WDR12: variants seen among roughly 807,000 people sequenced by gnomAD.
WDR12 encodes the protein WD repeat domain 12.
WDR12 carries 42 observed loss-of-function variants against 64.3 expected under a neutral mutation model. The ratio of observed to expected loss-of-function variants is 0.65; its 90% CI spans 0.51 to 0.84. WDR12 has a LOEUF of 0.84. WDR12 is among the 40% of genes least tolerant of loss of function. The probability of loss-of-function intolerance (pLI) is 0.00; values close to 1 mark genes in which losing one functional copy is unlikely to be tolerated. For missense variants in WDR12, 469 were observed against 494.6 expected (o/e 0.95, Z 0.49); for synonymous variants, 158 against 173.3 (o/e 0.91, Z 0.70).
At position 202,874,267 on chromosome 2, in the gene WDR12, A is replaced by T. The variant is rs1687818921; in HGVS notation, c.*6593T>A. On this transcript the variant is annotated 3_prime_UTR_variant, in exon 13 of 13. Transcript: ENST00000261015. ...TTTAACACCTTTAAAGTACTTTTAAATTTCATTTAGAAGTACATTTACTGA... is the reference window on the plus strand; with the variant it reads ...TTTAACACCTTTAAAGTACTTTTAATTTTCATTTAGAAGTACATTTACTGA... 6.6e-6 allele frequency among the ~76,000 whole-genome samples: 1 copy of T among 152,212 alleles called. No individual in the cohort carries two copies. The highest frequency in any genetic ancestry group is 1.5e-5 in the Non-Finnish European group (1 of 68,034).
Position 202,875,330 on chromosome 2 carries a change from G to A in WDR12, c.*5530C>T, listed in dbSNP as rs957530086. The A allele has an allele frequency of 1.3e-4, 19 of 151,412 alleles. No homozygotes were observed. The highest frequency in any genetic ancestry group is 2.1e-4 in the Non-Finnish European group (14 of 67,898). 9.4% of individuals were successfully genotyped at this position (151,412 alleles called of 1,614,324 possible). On this transcript the variant is annotated 3_prime_UTR_variant, in exon 13 of 13. Transcript: ENST00000261015. ...AATTTTAAAGGCAAAAAAATGCAAA[G>A]CTGAACATATTATTGTAATTTAGTA...
chr2:202,897,292 G>A lies in WDR12; in HGVS notation c.454+8C>T, dbSNP rs759630498. The A allele has an allele frequency of 1.6e-5, 26 of 1,581,190 alleles. No homozygotes were observed. The highest frequency in any genetic ancestry group is 2.2e-5 in the Non-Finnish European group (26 of 1,161,328). ...GGATTCCTCTAAGTGTAGGCAAACTGTCCTAACCTTTTTTCACCCAGGCCA... is the reference window on the plus strand; with the variant it reads ...GGATTCCTCTAAGTGTAGGCAAACTATCCTAACCTTTTTTCACCCAGGCCA... On this transcript the variant is annotated splice_region_variant and intron_variant, in intron 5 of 12. Coordinates refer to ENST00000261015, the MANE Select transcript of WDR12 (RefSeq NM_018256.4).
intron 2 of WDR12, among the ~76,000 whole-genome samples, chr2:202,902,811 C>T (rs1010180255): frequency 2.0e-5 from 3 of 152,094 alleles, no homozygotes; most frequent in Non-Finnish European, 4.4e-5. Flanking sequence ...TAATAAACTC[C>T]CTCTCGGCTG....
intron 8 of WDR12, among the ~76,000 whole-genome samples, chr2:202,888,335 G>C (rs1227913871): frequency 2.6e-5 from 4 of 152,132 alleles, no homozygotes; most frequent in Admixed American, 6.5e-5. Flanking sequence ...GGCAATATGA[G>C]TTTTCAGGAA....
intron 2 of WDR12, among the ~76,000 whole-genome samples, chr2:202,904,979 A>C (rs1688427082): frequency 1.3e-5 from 2 of 152,252 alleles, no homozygotes; most frequent in Admixed American, 1.3e-4. Flanking sequence ...GTAGGTAAAA[A>C]TTTAATAATC....
rs185670147 is a variant in WDR12, at chr2:202,909,146, A to T, written c.42-1187T>A. Among the ~76,000 whole-genome samples, 140 of 152,346 alleles carry T rather than the reference A, an allele frequency of 9.2e-4. 1 individual carries two copies. The highest frequency in any genetic ancestry group is 3.2e-3 in the African/African-American group (133 of 41,576). On this transcript the variant is annotated intron_variant, in intron 1 of 12. Transcript: ENST00000261015. ...CAGTCTGGCAGTTCCTCAAAAACTC[A>T]AACATGGAATTACATCTGACCCAAA... is the stretch of plus-strand genomic sequence containing the variant.
At chr2:202,893,191 T>G in intron 7 of WDR12, among the ~76,000 whole-genome samples, 1 of 152,078 alleles carries the variant, frequency 6.6e-6, no homozygotes. Flanking sequence ...ATCACTTGGT[T>G]AAGCAGCAAA....
Position 202,877,157 on chromosome 2 carries a change from A to G in WDR12, c.*3703T>C, listed in dbSNP as rs1455456249. 2 of 150,120 alleles carry G rather than the reference A, an allele frequency of 1.3e-5. No homozygotes were observed. The highest frequency in any genetic ancestry group is 2.4e-5 in the African/African-American group (1 of 41,030). 9.3% of individuals were successfully genotyped at this position (150,120 alleles called of 1,614,324 possible). ...TTGCTTGTTCCATTATATGCATTTTATATCAATTTAAACTTTTGTTTGTTC... is the reference window on the plus strand; with the variant it reads ...TTGCTTGTTCCATTATATGCATTTTGTATCAATTTAAACTTTTGTTTGTTC... On this transcript the variant is annotated 3_prime_UTR_variant, in exon 13 of 13. Coordinates refer to ENST00000261015, the MANE Select transcript of WDR12 (RefSeq NM_018256.4).
At chr2:202,906,306 T>C (rs1435209508) in intron 2 of WDR12, among the ~76,000 whole-genome samples, 1 of 152,180 alleles carries the variant, frequency 6.6e-6, no homozygotes, top group Non-Finnish European at 1.5e-5. Context: ...CAACAGGAAA[T>C]GCTATGTAAA....
intron 2 of WDR12, 134 bp downstream of exon 2, chr2:202,907,731 C>G (rs1183523819): frequency 2.0e-5 from 13 of 650,258 alleles, no homozygotes; most frequent in Non-Finnish European, 3.2e-5. Context: ...GCAGAAGAAC[C>G]TGTACTTTAT....
Position 202,904,138 on chromosome 2 carries a change from C to CAAAAAAAAAAAAAAAAAAAA in WDR12, c.137-3039_137-3020dup, listed in dbSNP as rs34378996. ...GGGCAACAAGAGTGAAACTCTGTCT[C>CAAAAAAAAAAAAAAAAAAAA]AAAAAAAAAAAAAAAAAAAAAAAAA... On this transcript the variant is annotated intron_variant, in intron 2 of 12. Transcript: ENST00000261015. 3.1e-4 allele frequency among the ~76,000 whole-genome samples: 12 copies of CAAAAAAAAAAAAAAAAAAAA among 38,530 alleles called. 1 individual carries two copies. Among genetic ancestry groups the CAAAAAAAAAAAAAAAAAAAA allele is most frequent in the Non-Finnish European group, 4.1e-4 (10 of 24,260 alleles). The allele number at this position is 38,530 out of a possible 152,430, so 25.3% of individuals were successfully genotyped here. A position where few individuals can be genotyped will look rare whatever the true frequency, so the allele number is the denominator to read the frequency against.
At chr2:202,900,622 A>C (rs1450304323) in intron 3 of WDR12, among the ~76,000 whole-genome samples, 1 of 152,192 alleles carries the variant, frequency 6.6e-6, no homozygotes, top group African/African-American at 2.4e-5. Context: ...TTTGAAAATA[A>C]AAGGGAAAAA....
intron 4 of WDR12, among the ~76,000 whole-genome samples, chr2:202,897,787 G>A (rs1475139007): frequency 6.8e-6 from 1 of 147,994 alleles, no homozygotes; most frequent in Non-Finnish European, 1.5e-5. Context: ...TACTCAGGAG[G>A]CTGGGGCAGG....
intron 6 of WDR12, among the ~76,000 whole-genome samples, chr2:202,895,518 T>A (rs1162626614): frequency 1.8e-5 from 2 of 109,544 alleles, no homozygotes; most frequent in Non-Finnish European, 4.2e-5. Context: ...CATTTCTTTC[T>A]TTTTTTTTTT....
In WDR12 at chr2:202,911,589, G is replaced by C. The variant is rs1414655454; in HGVS notation, c.-113C>G. On this transcript the variant is annotated 5_prime_UTR_variant, in exon 1 of 13. Transcript: ENST00000261015. ...GGCAGCTCAAAATTAGACTGCACAG[G>C]TAAGCGAGGAACTGCAGTCTAAGCC... 2 of 974,114 alleles carry C rather than the reference G, an allele frequency of 2.1e-6. No homozygotes were observed. The highest frequency in any genetic ancestry group is 1.8e-5 in the Admixed American group (1 of 55,212). 60.3% of individuals were successfully genotyped at this position (974,114 alleles called of 1,614,324 possible).
chr2:202,896,091 T>C lies in WDR12; in HGVS notation c.583A>G (p.Ile195Val), dbSNP rs749167352. The C allele has an allele frequency of 9.9e-6, 16 of 1,613,754 alleles. No individual in the cohort carries two copies. In the African/African-American group the frequency reaches 1.9e-4, roughly 19 times the overall value. The change falls in exon 6 of 13, where the codon ATA (isoleucine) becomes GTA (valine). Residue 195 changes from isoleucine to valine, a missense_variant. By Grantham distance (29) the Ile-to-Val change is conservative. Transcript: ENST00000261015. Reference protein sequence around the residue: ...CRGHAGSVDSIAVDGSGTKFC... With the variant: ...CRGHAGSVDSVAVDGSGTKFC... ...TTAGTTCCTGAGCCATCAACAGCTA[T>C]AGAATCTACACTTCCAGCATGACCT... is the stretch of plus-strand genomic sequence containing the variant.
intron 5 of WDR12, 71 bp downstream of exon 5, chr2:202,897,229 C>A: frequency 9.4e-7 from 1 of 1,066,482 alleles, no homozygotes. Flanking sequence ...CCATTCTTCC[C>A]CAGCACCAAA....
At chr2:202,890,679 G>A (rs1367607503) in intron 8 of WDR12, among the ~76,000 whole-genome samples, 2 of 151,916 alleles carry the variant, frequency 1.3e-5, no homozygotes, top group South Asian at 2.1e-4. Flanking sequence ...GCTGAGGCAG[G>A]AGAATGGCGT....
intron 8 of WDR12, among the ~76,000 whole-genome samples, chr2:202,886,980 T>C (rs1019027950): frequency 6.6e-5 from 10 of 152,160 alleles, no homozygotes; most frequent in African/African-American, 2.4e-4. Flanking sequence ...CTGTTGTATA[T>C]TTTTCTTTGC....
Sources: gnomAD v4.1 joint callset for allele counts (sites outside exome capture counted in the v4.1 genomes callset) on GRCh38, gnomAD v4.1.1 for gene constraint, MANE v1.5 for transcripts, NCBI Gene and HGNC (gene_info 2026-07-23, HGNC 2026-07-21) for gene names.